ELP1: variants seen among roughly 807,000 people sequenced by gnomAD.
ELP1 encodes elongator acetyltransferase complex subunit 1, also known as elongator complex protein 1.
A neutral mutation model predicts 183.2 loss-of-function variants in ELP1; 131 were observed. That is an observed-to-expected ratio of 0.72 (90% CI 0.62 to 0.83). ELP1 has a LOEUF of 0.83. Among genes scored for constraint, ELP1 ranks in the 40% least tolerant of loss-of-function variants. ELP1 has a pLI of 0.00. For synonymous variants in ELP1, 555 were observed against 569.0 expected (o/e 0.98, Z 0.35); for missense variants, 1,550 against 1,594.9 (o/e 0.97, Z 0.48).
At position 108,897,318 on chromosome 9, in the gene ELP1, C is replaced by A. The variant is rs77747745; in HGVS notation, c.2364-33G>T. 15 of 1,613,066 alleles carry A rather than the reference C, an allele frequency of 9.3e-6. No individual in the cohort carries two copies. In the South Asian group the frequency reaches 1.6e-4, roughly 18 times the overall value. On this transcript the variant is annotated intron_variant, in intron 22 of 36. Coordinates refer to ENST00000374647, the MANE Select transcript of ELP1 (RefSeq NM_003640.5). The stretch of plus-strand genomic sequence containing the variant: ...CAGGTGTGTATGGAATGGTCATCAA[C>A]AGAACATGTAGCCCAGCGATCAAAT...
At chr9:108,880,190 T>G in intron 31 of ELP1, 25 bp from the exon 32 acceptor site, 1 of 1,467,876 alleles carries the variant, frequency 6.8e-7, no homozygotes. Context: ...TGGAAAATAG[T>G]TTGAGCATGA....
chr9:108,873,709 T>C (rs1291385278), intron 36 of ELP1, among the ~76,000 whole-genome samples: 3 of 152,142 alleles, frequency 2.0e-5, no homozygotes, highest in African/African-American at 7.2e-5. Context: ...TCAGGTCTAA[T>C]GTAAGTTCCT....
chr9:108,926,448 C>T lies in ELP1; in HGVS notation c.466+75G>A, dbSNP rs1829826218. On this transcript the variant is annotated intron_variant, in intron 5 of 36. Coordinates refer to ENST00000374647, the MANE Select transcript of ELP1 (RefSeq NM_003640.5). ...ACAGTTCTTTGGCCTAATGACATGG[C>T]TATTAGTGCACAAGGAAATGGTCAA... The T allele has an allele frequency of 1.4e-5, 15 of 1,087,590 alleles. No individual in the cohort carries two copies. The South Asian group carries it at 1.7e-4, about 12-fold the overall frequency. 67.4% of individuals were successfully genotyped at this position (1,087,590 alleles called of 1,614,324 possible). A position where few individuals can be genotyped will look rare whatever the true frequency, so the allele number is the denominator to read the frequency against.
intron 15 of ELP1, among the ~76,000 whole-genome samples, chr9:108,903,320 T>C (rs914123366): frequency 2.0e-5 from 3 of 150,856 alleles, no homozygotes; most frequent in African/African-American, 7.3e-5. Flanking sequence ...AGTGAGAACA[T>C]GCGGTGTTTG....
At chr9:108,902,738 G>A (rs1423081985) in intron 16 of ELP1, 101 bp downstream of exon 16, 2 of 823,166 alleles carry the variant, frequency 2.4e-6, no homozygotes, top group African/African-American at 3.3e-5. Context: ...GGCATTTAGT[G>A]GAGACCCAAG....
chr9:108,881,616 G>GA, intron 31 of ELP1, 89 bp downstream of exon 31: 1 of 824,460 alleles, frequency 1.2e-6, no homozygotes, highest in South Asian at 1.4e-5. Flanking sequence ...ATATTATTAA[G>GA]AAAACACAGT....
Position 108,919,333 on chromosome 9 carries a change from G to A in ELP1, c.569C>T (p.Pro190Leu). 6.2e-7 allele frequency: 1 copy of A among 1,613,172 alleles called. No homozygotes were observed. The highest frequency in any genetic ancestry group is 8.5e-7 in the Non-Finnish European group (1 of 1,179,410). Residue 190 changes from proline (P) to leucine (L), a missense_variant, in exon 7 of 37, where the codon CCC becomes CTC. Transcript: ENST00000374647. ...FQMQMHESAL[P>L]WDDHRPQVTW... Reference sequence around the variant, plus strand: ...AACTTGTGGTCTATGGTCATCCCAGGGCAAAGCAGACTCATGCTAAAAAGG... The same window carrying A: ...AACTTGTGGTCTATGGTCATCCCAGAGCAAAGCAGACTCATGCTAAAAAGG...
At chr9:108,901,826 T>C in intron 16 of ELP1, 145 bp from the exon 17 acceptor site, 1 of 793,888 alleles carries the variant, frequency 1.3e-6, no homozygotes, top group Non-Finnish European at 2.2e-6. Context: ...AAGACGTGGC[T>C]GGTCCAGTGC....
At chr9:108,906,624 C>T (rs1829031821) in intron 13 of ELP1, 139 bp from the exon 14 acceptor site, 2 of 682,688 alleles carry the variant, frequency 2.9e-6, no homozygotes, top group Non-Finnish European at 2.6e-6. Flanking sequence ...TGAGATACTA[C>T]CAAATACTAC....
rs1321134861 is a variant in ELP1 at position 108,934,117 on chromosome 9, G to C, written c.-309C>G. Reference sequence around the variant, plus strand: ...GCGTCAACTAGGCAGCCGCAGCACTGGGAGTGCGGCGCGGGAGTGACGTCA... The same window carrying C: ...GCGTCAACTAGGCAGCCGCAGCACTCGGAGTGCGGCGCGGGAGTGACGTCA... On this transcript the variant is annotated 5_prime_UTR_variant, in exon 1 of 37. Transcript: ENST00000374647. 3 of 230,512 alleles carry C rather than the reference G, an allele frequency of 1.3e-5. No individual in the cohort carries two copies. The highest frequency in any genetic ancestry group is 7.1e-5 in the African/African-American group (3 of 42,042). 14.3% of individuals were successfully genotyped at this position (230,512 alleles called of 1,614,324 possible). A position where few individuals can be genotyped will look rare whatever the true frequency, so the allele number is the denominator to read the frequency against.
At chr9:108,926,045 A>G (rs558272719) in intron 5 of ELP1, among the ~76,000 whole-genome samples, 1 of 152,300 alleles carries the variant, frequency 6.6e-6, no homozygotes, top group Admixed American at 6.5e-5. Flanking sequence ...TATGCTTAAT[A>G]AGCGTCTCTC....
intron 29 of ELP1, among the ~76,000 whole-genome samples, chr9:108,888,286 T>C (rs1467256934): frequency 1.3e-5 from 2 of 152,178 alleles, no homozygotes; most frequent in East Asian, 3.9e-4. Context: ...AGGGAACTTT[T>C]GGGGGTGTTA....
chr9:108,922,324 C>T (rs747985278), intron 6 of ELP1, among the ~76,000 whole-genome samples: 1 of 152,224 alleles, frequency 6.6e-6, no homozygotes, highest in African/African-American at 2.4e-5. Context: ...CCTTCAGGGG[C>T]CGCCCCGCCT....
At chr9:108,887,046 A>G (rs964548318) in intron 29 of ELP1, among the ~76,000 whole-genome samples, 4 of 151,924 alleles carry the variant, frequency 2.6e-5, no homozygotes, top group Non-Finnish European at 5.9e-5. Context: ...CCATCCCTAC[A>G]AAAAATACAA....
intron 12 of ELP1, among the ~76,000 whole-genome samples, chr9:108,908,675 C>T (rs1185237301): frequency 2.0e-5 from 3 of 152,208 alleles, no homozygotes. Flanking sequence ...CTTCAACCAC[C>T]TCTCAATATC....
chr9:108,933,614 C>T (rs1830072832), intron 1 of ELP1, among the ~76,000 whole-genome samples: 1 of 152,262 alleles, frequency 6.6e-6, no homozygotes, highest in Non-Finnish European at 1.5e-5. Flanking sequence ...CCCCTGCAAG[C>T]AATCAAGAGG....
chr9:108,920,280 ATT>A (rs34765805), intron 6 of ELP1, among the ~76,000 whole-genome samples: 9 of 132,340 alleles, frequency 6.8e-5, no homozygotes, highest in East Asian at 4.4e-4. Flanking sequence ...CTCTCACCCA[ATT>A]TTTTTTTTTT....
At position 108,919,338 on chromosome 9, in the gene ELP1, A is replaced by C. The variant is rs1829561502; in HGVS notation, c.564T>G (p.Ala188=). 1 of 1,613,064 alleles carries C rather than the reference A, an allele frequency of 6.2e-7. No individual in the cohort carries two copies. The highest frequency in any genetic ancestry group is 8.5e-7 in the Non-Finnish European group (1 of 1,179,224). Residue 188 remains alanine (A), a synonymous_variant, in exon 7 of 37, where the codon GCT becomes GCG. Coordinates refer to ENST00000374647, the MANE Select transcript of ELP1 (RefSeq NM_003640.5). ...GTGGTCTATGGTCATCCCAGGGCAA[A>C]GCAGACTCATGCTAAAAAGGGGAAC... ...AAFQMQMHES[A]LPWDDHRPQV... is the part of the protein sequence containing the mutation.
At chr9:108,875,045 C>T in intron 35 of ELP1, 75 bp from the exon 36 acceptor site, 2 of 972,670 alleles carry the variant, frequency 2.1e-6, no homozygotes, top group Non-Finnish European at 1.7e-6. Flanking sequence ...AGGCCAAATC[C>T]CTACCCCCAG....
Sources: gnomAD v4.1 joint callset for allele counts (sites outside exome capture counted in the v4.1 genomes callset) on GRCh38, gnomAD v4.1.1 for gene constraint, MANE v1.5 for transcripts, NCBI Gene and HGNC (gene_info 2026-07-23, HGNC 2026-07-21) for gene names.